LAMTOR4: variants seen among roughly 807,000 people sequenced by gnomAD.
LAMTOR4 encodes the protein late endosomal/lysosomal adaptor, MAPK and MTOR activator 4.
In LAMTOR4, 11 loss-of-function variants were observed where a neutral mutation model predicts 13.5. The observed-to-expected ratio is 0.82, with a 90% CI of 0.51 to 1.35. The LOEUF (loss-of-function observed/expected upper bound fraction) is 1.35, where lower values mean the gene tolerates loss of function less well. Ranked by LOEUF, LAMTOR4 falls within the 40% of genes most tolerant of loss-of-function variation. The pLI is 0.00. For missense variants in LAMTOR4, 128 were observed against 126.2 expected (o/e 1.01, Z -0.07); for synonymous variants, 69 against 52.3 (o/e 1.32, Z -1.38).
intron 2 of LAMTOR4, 26 bp downstream of exon 2, chr7:100,149,605 C>T: frequency 6.3e-7 from 1 of 1,576,708 alleles, no homozygotes. Context: ...GGGAGGGGGT[C>T]CCTTAGTGCA....
At chr7:100,152,055 A>C (rs770002726) in intron 2 of LAMTOR4, among the ~76,000 whole-genome samples, 2 of 152,172 alleles carry the variant, frequency 1.3e-5, no homozygotes, top group Non-Finnish European at 2.9e-5. Context: ...ATGACTAGAA[A>C]TAGGTAATAG....
chr7:100,151,037 A>G (rs150292855), intron 2 of LAMTOR4, among the ~76,000 whole-genome samples: 15 of 151,306 alleles, frequency 9.9e-5, no homozygotes, highest in East Asian at 3.9e-4. Flanking sequence ...TGGTGGTAAG[A>G]AGGAGGAGCA....
chr7:100,153,861 C>T lies in LAMTOR4; in HGVS notation c.203-6C>T, dbSNP rs1208412506. ...TGGGGCGGGGGAAGGTGTGTCTCTCCTCCAGTGGTCTTTGGAGAACACACA... is the reference window on the plus strand; with the variant it reads ...TGGGGCGGGGGAAGGTGTGTCTCTCTTCCAGTGGTCTTTGGAGAACACACA... On this transcript the variant is annotated splice_polypyrimidine_tract_variant and splice_region_variant and intron_variant, in intron 3 of 3. Transcript: ENST00000341942. 38 of 1,562,522 alleles carry T rather than the reference C, an allele frequency of 2.4e-5. No individual in the cohort carries two copies. Among genetic ancestry groups the T allele is most frequent in the Non-Finnish European group, 3.1e-5 (36 of 1,150,760 alleles).
chr7:100,149,056 G>A (rs953139438), intron 1 of LAMTOR4, 81 bp downstream of exon 1: 3 of 1,537,650 alleles, frequency 2.0e-6, no homozygotes, highest in Non-Finnish European at 1.8e-6. Flanking sequence ...TCCCCCTGGT[G>A]GGCCTGCGCT....
Position 100,153,985 on chromosome 7 carries a change from C to G in LAMTOR4, c.*21C>G, listed in dbSNP as rs201650599. On this transcript the variant is annotated 3_prime_UTR_variant, in exon 4 of 4. Coordinates refer to ENST00000341942, the MANE Select transcript of LAMTOR4 (RefSeq NM_001008395.4). ...TCTGAGCCTGCCGGAGGGCGAGGGT[C>G]GGAGAAGCGGATTGGGTCCTGGGCC... The G allele has an allele frequency of 6.5e-7, 1 of 1,549,566 alleles. No homozygotes were observed. The highest frequency in any genetic ancestry group is 1.4e-5 in the African/African-American group (1 of 73,686).
intron 1 of LAMTOR4, 57 bp from the exon 2 acceptor site, chr7:100,149,442 T>C: frequency 1.7e-6 from 2 of 1,168,988 alleles, no homozygotes; most frequent in Non-Finnish European, 2.6e-6. Flanking sequence ...AGGTGAAGGG[T>C]ATCGGGCCGT....
intron 2 of LAMTOR4, among the ~76,000 whole-genome samples, chr7:100,150,468 A>G (rs1356533004): frequency 6.6e-6 from 1 of 152,184 alleles, no homozygotes; most frequent in African/African-American, 2.4e-5. Flanking sequence ...ACTGATGGTA[A>G]GTTTATGCTG....
rs1207137981 is a variant in LAMTOR4 at position 100,149,031 on chromosome 7, C to T, written c.3+56C>T. On this transcript the variant is annotated intron_variant, in intron 1 of 3. Transcript: ENST00000341942. ...GCCGGGGGTTCAGCGTCTCTGCTCC[C>T]CAGTCTGTGTGGTTTCCCCCTGGTG... 7 of 1,589,138 alleles carry T rather than the reference C, an allele frequency of 4.4e-6. No individual in the cohort carries two copies. The African/African-American group carries it at 5.4e-5, about 12-fold the overall frequency.
At chr7:100,152,059 GTAA>G (rs1367320153) in intron 2 of LAMTOR4, among the ~76,000 whole-genome samples, 3 of 152,158 alleles carry the variant, frequency 2.0e-5, no homozygotes, top group African/African-American at 7.2e-5. Flanking sequence ...CTAGAAATAG[GTAA>G]TAGAGGAAAT....
Position 100,153,953 on chromosome 7 carries a change from A to C in LAMTOR4, c.289A>C (p.Ile97Leu), listed in dbSNP as rs115350338. Residue 97 changes from isoleucine (I) to leucine (L), a missense_variant, in exon 4 of 4, where the codon ATT becomes CTT. Physicochemically the swap from Ile to Leu is conservative, Grantham distance 5 (BLOSUM62 2). Transcript: ENST00000341942. ...VKRQNRGREPIDV is the reference protein window; with the variant it reads ...VKRQNRGREPLDV The stretch of plus-strand genomic sequence containing the variant: ...GAGGCAGAACCGAGGTCGGGAGCCC[A>C]TTGATGTCTGAGCCTGCCGGAGGGC... The C allele has an allele frequency of 2.1e-4, 337 of 1,586,370 alleles. 1 individual carries two copies. The African/African-American group carries it at 3.7e-3, about 18-fold the overall frequency.
In LAMTOR4 at chr7:100,149,483, C is replaced by A; in HGVS notation, c.4-16C>A. ...CCTCTAGCATGCTTCTCACGACTTG[C>A]ATCTTTACCCACTAGACTTCTGCGC... On this transcript the variant is annotated splice_polypyrimidine_tract_variant and intron_variant, in intron 1 of 3. Coordinates refer to ENST00000341942, the MANE Select transcript of LAMTOR4 (RefSeq NM_001008395.4). 2 of 1,585,872 alleles carry A rather than the reference C, an allele frequency of 1.3e-6. No individual in the cohort carries two copies. The highest frequency in any genetic ancestry group is 1.7e-6 in the Non-Finnish European group (2 of 1,154,350).
At chr7:100,149,078 T>C in intron 1 of LAMTOR4, 103 bp downstream of exon 1, 1 of 1,400,544 alleles carries the variant, frequency 7.1e-7, no homozygotes, top group Non-Finnish European at 9.7e-7. Context: ...CACCCTCACC[T>C]CCTATCCGCT....
rs749661057 is a variant in LAMTOR4, at chr7:100,149,483, C to T, written c.4-16C>T. The stretch of plus-strand genomic sequence containing the variant: ...CCTCTAGCATGCTTCTCACGACTTG[C>T]ATCTTTACCCACTAGACTTCTGCGC... On this transcript the variant is annotated splice_polypyrimidine_tract_variant and intron_variant, in intron 1 of 3. Transcript: ENST00000341942. The T allele has an allele frequency of 1.6e-5, 25 of 1,585,756 alleles. 1 individual carries two copies. The South Asian group carries it at 2.7e-4, about 17-fold the overall frequency.
chr7:100,149,670 G>A, intron 2 of LAMTOR4, 91 bp downstream of exon 2: 2 of 979,334 alleles, frequency 2.0e-6, no homozygotes, highest in East Asian at 2.4e-5. Context: ...CTTTTATCTG[G>A]TTTCCTGCCT....
In LAMTOR4 at chr7:100,148,987, C is replaced by T. The variant is rs758716455; in HGVS notation, c.3+12C>T. On this transcript the variant is annotated intron_variant, in intron 1 of 3. Coordinates refer to ENST00000341942, the MANE Select transcript of LAMTOR4 (RefSeq NM_001008395.4). ...CGAAGACTGCGATGGTGAGTGAGGACGCATGCGCGAGAGGACCCGCCGGGG... is the reference window on the plus strand; with the variant it reads ...CGAAGACTGCGATGGTGAGTGAGGATGCATGCGCGAGAGGACCCGCCGGGG... 16 of 1,609,736 alleles carry T rather than the reference C, an allele frequency of 9.9e-6. No homozygotes were observed. In the South Asian group the frequency reaches 1.6e-4, roughly 17 times the overall value.
In LAMTOR4 at chr7:100,148,942, G is replaced by T. The variant is rs781061559; in HGVS notation, c.-31G>T. The T allele has an allele frequency of 3.1e-5, 50 of 1,612,020 alleles. No homozygotes were observed. The highest frequency in any genetic ancestry group is 3.6e-5 in the Non-Finnish European group (43 of 1,179,886). ...CCTGAAGCCGGAAGCTACCTATCTG[G>T]TAGGGAGCTCCCCCAGCACCGAAGA... On this transcript the variant is annotated 5_prime_UTR_variant, in exon 1 of 4. Coordinates refer to ENST00000341942, the MANE Select transcript of LAMTOR4 (RefSeq NM_001008395.4).
chr7:100,153,681 G>A (rs1167344519), intron 3 of LAMTOR4, 164 bp downstream of exon 3: 1 of 764,320 alleles, frequency 1.3e-6, no homozygotes, highest in East Asian at 2.6e-5. Context: ...TGAATGAGAA[G>A]GCAAGAGAAA....
chr7:100,153,519 T>A lies in LAMTOR4; in HGVS notation c.202+2T>A, dbSNP rs774087460. On this transcript the variant is annotated splice_donor_variant, in intron 3 of 3. Transcript: ENST00000341942. LOFTEE classifies it high-confidence loss of function. ...ATGTGCCCTTCAAGCGCCTGTCTGG[T>A]GAGCCCCTGCCCCTGCCCTTGGTGG... is the stretch of plus-strand genomic sequence containing the variant. 2 of 1,605,348 alleles carry A rather than the reference T, an allele frequency of 1.2e-6. No homozygotes were observed. Among genetic ancestry groups the A allele is most frequent in the Non-Finnish European group, 1.7e-6 (2 of 1,179,456 alleles).
rs1798810547 is a variant in LAMTOR4 at position 100,154,056 on chromosome 7, A to G, written c.*92A>G. 1 of 966,132 alleles carries G rather than the reference A, an allele frequency of 1.0e-6. No homozygotes were observed. The highest frequency in any genetic ancestry group is 1.6e-6 in the Non-Finnish European group (1 of 618,422). The allele number at this position is 966,132 out of a possible 1,614,324, so 59.8% of individuals were successfully genotyped here. ...CCTGTCGGTCTTGGCTTGCTGCTAG[A>G]ACTAGGGCCTTCTGCTCGCCCACCT... On this transcript the variant is annotated 3_prime_UTR_variant, in exon 4 of 4. Transcript: ENST00000341942.
Sources: gnomAD v4.1 joint callset for allele counts (sites outside exome capture counted in the v4.1 genomes callset) on GRCh38, gnomAD v4.1.1 for gene constraint, MANE v1.5 for transcripts, NCBI Gene and HGNC (gene_info 2026-07-23, HGNC 2026-07-21) for gene names.